TMEM131: variants seen among roughly 807,000 people sequenced by gnomAD.
TMEM131 encodes the protein transmembrane protein 131, also known as 2610524E03Rik.
TMEM131 carries 66 observed loss-of-function variants against 211.6 expected under a neutral mutation model. The observed-to-expected ratio is 0.31, with a 90% CI of 0.26 to 0.38. The LOEUF is 0.38. Among genes scored for constraint, TMEM131 ranks in the 10% least tolerant of loss-of-function variants. The pLI is 1.00. For missense variants in TMEM131, 2,036 were observed against 2,299.3 expected (o/e 0.89, Z 2.34); for synonymous variants, 844 against 841.3 (o/e 1.00, Z -0.06).
intron 4 of TMEM131, among the ~76,000 whole-genome samples, chr2:97,863,214 G>C (rs1559408694): frequency 6.6e-6 from 1 of 152,174 alleles, no homozygotes; most frequent in Admixed American, 6.5e-5. Flanking sequence ...GACGTTCCCA[G>C]ACAAACAAAA....
intron 36 of TMEM131, 37 bp from the exon 37 acceptor site, chr2:97,760,951 C>T (rs1678807772): frequency 5.6e-6 from 9 of 1,611,052 alleles, no homozygotes; most frequent in Non-Finnish European, 7.6e-6. Context: ...CATTCCTCAT[C>T]AGCAGTGCCC....
intron 7 of TMEM131, among the ~76,000 whole-genome samples, chr2:97,839,634 G>A (rs1559393019): frequency 1.3e-5 from 2 of 152,216 alleles, no homozygotes. Flanking sequence ...GCATGCACAA[G>A]AGAAAGGTCT....
chr2:97,881,009 A>C (rs1161142930), intron 4 of TMEM131, among the ~76,000 whole-genome samples: 1 of 152,196 alleles, frequency 6.6e-6, no homozygotes, highest in Non-Finnish European at 1.5e-5. Context: ...TCACCAAACA[A>C]AAAGACCTAA....
At chr2:97,856,851 A>C (rs1673869267) in intron 5 of TMEM131, among the ~76,000 whole-genome samples, 1 of 152,202 alleles carries the variant, frequency 6.6e-6, no homozygotes, top group South Asian at 2.1e-4. Flanking sequence ...AAAAAGGATA[A>C]GAGGAGAGAG....
At chr2:97,873,234 A>C (rs1381040131) in intron 4 of TMEM131, among the ~76,000 whole-genome samples, 3 of 152,260 alleles carry the variant, frequency 2.0e-5, no homozygotes, top group Non-Finnish European at 4.4e-5. Flanking sequence ...TCTGAAAAAA[A>C]GGCAGCAGCC....
intron 31 of TMEM131, among the ~76,000 whole-genome samples, chr2:97,777,870 A>C (rs1280038241): frequency 6.6e-6 from 1 of 151,614 alleles, no homozygotes; most frequent in East Asian, 1.9e-4. Context: ...ACCAACAAAA[A>C]ACAGGCCCCT....
chr2:97,834,779 T>C lies in TMEM131; in HGVS notation c.951A>G (p.Thr317=). Residue 317 remains threonine (T), a synonymous_variant, in exon 9 of 41, where the codon ACA becomes ACG. Coordinates refer to ENST00000186436, the MANE Select transcript of TMEM131 (RefSeq NM_015348.2). Reference sequence around the variant, plus strand: ...TTTCATCAGTTTTCCACTAACCTGTTGTAACTTCAACCTCAACAGGAAGAA... The same window carrying C: ...TTTCATCAGTTTTCCACTAACCTGTCGTAACTTCAACCTCAACAGGAAGAA... The part of the protein sequence containing the change: ...FIILPVEVEV[T]TAPGIYSSTE... 6.2e-7 allele frequency: 1 copy of C among 1,613,502 alleles called. No homozygotes were observed. Among genetic ancestry groups the C allele is most frequent in the Non-Finnish European group, 8.5e-7 (1 of 1,179,692 alleles).
At chr2:97,995,430 G>T in intron 1 of TMEM131, 46 bp downstream of exon 1, 1 of 1,317,626 alleles carries the variant, frequency 7.6e-7, no homozygotes, top group Non-Finnish European at 9.6e-7. Context: ...CTCCGCGAGA[G>T]CGGGGTGACA....
intron 2 of TMEM131, among the ~76,000 whole-genome samples, chr2:97,927,002 T>C (rs1677018283): frequency 6.6e-6 from 1 of 152,162 alleles, no homozygotes. Flanking sequence ...TTGAAACAGA[T>C]TAAAGAACTA....
intron 35 of TMEM131, chr2:97,765,325 G>C (rs1296012516): frequency 6.6e-6 from 1 of 152,306 alleles, no homozygotes; most frequent in African/African-American, 2.4e-5. Context: ...CCCTCATTCA[G>C]CCCAGTGAGC....
chr2:97,819,510 G>A (rs1016101968), intron 11 of TMEM131, among the ~76,000 whole-genome samples: 2 of 152,122 alleles, frequency 1.3e-5, no homozygotes, highest in African/African-American at 4.8e-5. Flanking sequence ...TGTTTTAATA[G>A]CTAGGCATCA....
intron 19 of TMEM131, among the ~76,000 whole-genome samples, chr2:97,808,561 T>C (rs554028016): frequency 1.3e-5 from 2 of 152,302 alleles, no homozygotes; most frequent in East Asian, 1.9e-4. Flanking sequence ...CTTTAGGATA[T>C]AAGCACAGTT....
Position 97,943,041 on chromosome 2 carries a change from G to GA in TMEM131, c.188-15555dup, listed in dbSNP as rs779804229. Among the ~76,000 whole-genome samples, 338 of 36,492 alleles carry GA rather than the reference G, an allele frequency of 9.3e-3. 4 individuals are homozygous for GA. The highest frequency in any genetic ancestry group is 0.037 in the South Asian group (55 of 1,482). 23.9% of individuals were successfully genotyped at this position (36,492 alleles called of 152,430 possible). On this transcript the variant is annotated intron_variant, in intron 1 of 40. Coordinates refer to ENST00000186436, the MANE Select transcript of TMEM131 (RefSeq NM_015348.2). ...GAAAAGAAAAGAAAAGAAAAGAAAAGAAAGAAAGAAAGAAAGAAAGAAAGA... is the reference window on the plus strand; with the variant it reads ...GAAAAGAAAAGAAAAGAAAAGAAAAGAAAAGAAAGAAAGAAAGAAAGAAAGA...
chr2:97,761,051 G>A, intron 36 of TMEM131, 137 bp from the exon 37 acceptor site: 1 of 1,122,772 alleles, frequency 8.9e-7, no homozygotes. Flanking sequence ...TCAGCCTCAT[G>A]TCACATGCTC....
At chr2:97,828,825 G>A (rs1308318198) in intron 11 of TMEM131, among the ~76,000 whole-genome samples, 1 of 152,238 alleles carries the variant, frequency 6.6e-6, no homozygotes, top group Non-Finnish European at 1.5e-5. Flanking sequence ...AACCTCTGGA[G>A]TTGGGGAACA....
chr2:97,937,845 C>G (rs1677515706), intron 1 of TMEM131, among the ~76,000 whole-genome samples: 1 of 152,222 alleles, frequency 6.6e-6, no homozygotes, highest in Non-Finnish European at 1.5e-5. Context: ...TGCAGAAACT[C>G]TGCAAGCCAG....
Position 97,809,781 on chromosome 2 carries a change from A to T in TMEM131, c.1969-7T>A. The T allele has an allele frequency of 6.3e-7, 1 of 1,591,626 alleles. No homozygotes were observed. The highest frequency in any genetic ancestry group is 8.6e-7 in the Non-Finnish European group (1 of 1,167,576). On this transcript the variant is annotated splice_polypyrimidine_tract_variant and splice_region_variant and intron_variant, in intron 18 of 40. Coordinates refer to ENST00000186436, the MANE Select transcript of TMEM131 (RefSeq NM_015348.2). The stretch of plus-strand genomic sequence containing the variant: ...TCACAGGGATTGTCAGGATCTGTGA[A>T]GTCAAGAAGATGATGATAGATAAGT...
intron 35 of TMEM131, chr2:97,763,084 G>A (rs1003905035): frequency 6.6e-6 from 1 of 152,104 alleles, no homozygotes; most frequent in African/African-American, 2.4e-5. Flanking sequence ...CTACCTGGCT[G>A]GCCCCTCCTG....
intron 31 of TMEM131, among the ~76,000 whole-genome samples, chr2:97,792,009 TA>T (rs1311288655): frequency 6.6e-6 from 1 of 152,218 alleles, no homozygotes; most frequent in Non-Finnish European, 1.5e-5. Context: ...ACCCCTGCTC[TA>T]AAGTAAAGAA....
Sources: gnomAD v4.1 joint callset for allele counts (sites outside exome capture counted in the v4.1 genomes callset) on GRCh38, gnomAD v4.1.1 for gene constraint, MANE v1.5 for transcripts, NCBI Gene and HGNC (gene_info 2026-07-23, HGNC 2026-07-21) for gene names.